Variants in EYA1 observed in about 807,000 individuals in gnomAD.
EYA1 encodes protein phosphatase EYA1.
In EYA1, 16 loss-of-function variants were observed where a neutral mutation model predicts 82.0. That is an observed-to-expected ratio of 0.20 (90% CI 0.13 to 0.30). EYA1 has a LOEUF of 0.30. Ranked by LOEUF, EYA1 falls within the 10% of genes least tolerant of loss-of-function variation. EYA1 has a pLI of 1.00. For missense variants in EYA1, 633 were observed against 730.7 expected (o/e 0.87, Z 1.54); for synonymous variants, 261 against 264.4 (o/e 0.99, Z 0.12).
At chr8:71,467,909 T>C (rs1318454701) in intron 2 of EYA1, among the ~76,000 whole-genome samples, 1 of 152,134 alleles carries the variant, frequency 6.6e-6, no homozygotes. Flanking sequence ...GGTTAGATGA[T>C]TTACTAAGTC....
chr8:71,502,151 G>A (rs6994209), intron 2 of EYA1, among the ~76,000 whole-genome samples: 102,973 of 152,068 alleles, frequency 0.68, 36,945 homozygotes, highest in East Asian at 0.92. Flanking sequence ...GGTGTCTTCA[G>A]ATAATGCAAT....
At chr8:71,489,729 T>G (rs1447576339) in intron 2 of EYA1, among the ~76,000 whole-genome samples, 1 of 152,246 alleles carries the variant, frequency 6.6e-6, no homozygotes, top group Non-Finnish European at 1.5e-5. Context: ...GCTCTAGGCC[T>G]GCAAAAACTT....
chr8:71,476,018 C>T (rs1809633753), intron 2 of EYA1, among the ~76,000 whole-genome samples: 1 of 152,040 alleles, frequency 6.6e-6, no homozygotes, highest in Non-Finnish European at 1.5e-5. Context: ...TTCGTCTTTC[C>T]AACTATTTAC....
At chr8:71,453,795 G>T (rs1418276732) in intron 2 of EYA1, among the ~76,000 whole-genome samples, 1 of 152,110 alleles carries the variant, frequency 6.6e-6, no homozygotes, top group African/African-American at 2.4e-5. Context: ...AGGAACAACA[G>T]GTACGAGCCA....
In EYA1 at chr8:71,361,908, C is replaced by T. The variant is rs1384758617; in HGVS notation, c.-316G>A. On this transcript the variant is annotated 5_prime_UTR_variant, in exon 1 of 18. Coordinates refer to ENST00000340726, the MANE Select transcript of EYA1 (RefSeq NM_000503.6). ...AACGTGTTCCCCAGGAAGAAACCCGCCACAGTGGACGGCAACAGGAAGGCT... is the reference window on the plus strand; with the variant it reads ...AACGTGTTCCCCAGGAAGAAACCCGTCACAGTGGACGGCAACAGGAAGGCT... 1 of 985,346 alleles carries T rather than the reference C, an allele frequency of 1.0e-6. No homozygotes were observed. The highest frequency in any genetic ancestry group is 1.7e-5 in the African/African-American group (1 of 57,242). 61.0% of individuals were successfully genotyped at this position (985,346 alleles called of 1,614,324 possible). A position where few individuals can be genotyped will look rare whatever the true frequency, so the allele number is the denominator to read the frequency against.
chr8:71,313,852 T>TA (rs1405578619), intron 7 of EYA1, among the ~76,000 whole-genome samples: 3 of 152,174 alleles, frequency 2.0e-5, no homozygotes, highest in Non-Finnish European at 4.4e-5. Flanking sequence ...GCAAAACACT[T>TA]AGAGGATGCA....
rs78720199 is a variant in EYA1, at chr8:71,539,031, G to A, written c.-72-3183C>T. Among the ~76,000 whole-genome samples, 793 of 152,186 alleles carry A rather than the reference G, an allele frequency of 5.2e-3. 9 individuals are homozygous for A. Among genetic ancestry groups the A allele is most frequent in the African/African-American group, 0.018 (728 of 41,528 alleles). On this transcript the variant is annotated intron_variant, in intron 1 of 18. Coordinates refer to the EYA1 transcript ENST00000643681. Reference sequence around the variant, plus strand: ...CTCCAGAGGAGGGGTGCCCCTTGGAGTTGTACACAGTGGAATCCTACCCTT... The same window carrying A: ...CTCCAGAGGAGGGGTGCCCCTTGGAATTGTACACAGTGGAATCCTACCCTT...
chr8:71,484,544 T>C (rs1810415637), intron 2 of EYA1, among the ~76,000 whole-genome samples: 1 of 152,208 alleles, frequency 6.6e-6, no homozygotes, highest in African/African-American at 2.4e-5. Flanking sequence ...GGTTGAAACC[T>C]CTTGAGGGTC....
At chr8:71,231,934 T>A (rs1447237103) in intron 12 of EYA1, among the ~76,000 whole-genome samples, 1 of 152,172 alleles carries the variant, frequency 6.6e-6, no homozygotes, top group Admixed American at 6.5e-5. Flanking sequence ...GAAAGCCCCA[T>A]CCAGTTATTA....
intron 2 of EYA1, among the ~76,000 whole-genome samples, chr8:71,506,014 G>C (rs988293461): frequency 6.6e-5 from 10 of 152,116 alleles, no homozygotes; most frequent in Non-Finnish European, 2.9e-5. Context: ...TTGTGCAGAT[G>C]GTACCTGCTT....
At chr8:71,406,779 C>T (rs372799194) in intron 2 of EYA1, among the ~76,000 whole-genome samples, 5 of 148,780 alleles carry the variant, frequency 3.4e-5, no homozygotes, top group Non-Finnish European at 6.0e-5. Context: ...AACTGCAAGG[C>T]GGCAGCGAGG....
At chr8:71,339,757 T>C (rs1480783070) in intron 3 of EYA1, among the ~76,000 whole-genome samples, 1 of 152,238 alleles carries the variant, frequency 6.6e-6, no homozygotes, top group Non-Finnish European at 1.5e-5. Flanking sequence ...CTCTTCTTAA[T>C]CCTAACTTTC....
chr8:71,317,300 T>G (rs765196118), intron 7 of EYA1, among the ~76,000 whole-genome samples: 2 of 152,208 alleles, frequency 1.3e-5, no homozygotes, highest in Non-Finnish European at 2.9e-5. Flanking sequence ...AATGTCAACT[T>G]CACAAAAAAT....
intron 12 of EYA1, among the ~76,000 whole-genome samples, chr8:71,233,381 A>G (rs376782359): frequency 1.0e-3 from 155 of 151,998 alleles, no homozygotes; most frequent in African/African-American, 1.9e-3. Context: ...TGGCTAACAC[A>G]GTGAAACCCC....
At position 71,198,460 on chromosome 8, in the gene EYA1, T is replaced by A. The variant is rs1021985839; in HGVS notation, c.*880A>T. On this transcript the variant is annotated 3_prime_UTR_variant, in exon 18 of 18. Transcript: ENST00000340726. ...ATCTAAAAAAAAAAAATCCATTATCTACATATTTATACCGAAAACTCAGAT... is the reference window on the plus strand; with the variant it reads ...ATCTAAAAAAAAAAAATCCATTATCAACATATTTATACCGAAAACTCAGAT... 6.6e-6 allele frequency: 1 copy of A among 152,588 alleles called. No individual in the cohort carries two copies. The highest frequency in any genetic ancestry group is 2.4e-5 in the African/African-American group (1 of 41,436). The allele number at this position is 152,588 out of a possible 1,614,324, so 9.5% of individuals were successfully genotyped here.
rs138973554 is a variant in EYA1, at chr8:71,406,013, A to C, written c.34-49502T>G. The stretch of plus-strand genomic sequence containing the variant: ...CATTAACAAAATCCAGACTGTGGCA[A>C]ACTTTACAGGAGAAACAACTCAATT... On this transcript the variant is annotated intron_variant, in intron 2 of 18. Coordinates refer to the EYA1 transcript ENST00000643681. Among the ~76,000 whole-genome samples, 505 of 152,316 alleles carry C rather than the reference A, an allele frequency of 3.3e-3. 1 individual carries two copies. Among genetic ancestry groups the C allele is most frequent in the Non-Finnish European group, 5.5e-3 (372 of 68,022 alleles).
intron 2 of EYA1, among the ~76,000 whole-genome samples, chr8:71,489,186 T>C (rs1455288502): frequency 6.6e-6 from 1 of 152,178 alleles, no homozygotes; most frequent in African/African-American, 2.4e-5. Flanking sequence ...CACACATCGA[T>C]TGGTTTGTGA....
chr8:71,205,587 T>C (rs1807661375), intron 17 of EYA1, among the ~76,000 whole-genome samples: 1 of 152,196 alleles, frequency 6.6e-6, no homozygotes, highest in Admixed American at 6.5e-5. Flanking sequence ...CAAAGGTATT[T>C]CTAACTTCTT....
intron 12 of EYA1, among the ~76,000 whole-genome samples, chr8:71,224,834 A>G (rs1212094781): frequency 6.6e-6 from 1 of 152,252 alleles, no homozygotes; most frequent in South Asian, 2.1e-4. Flanking sequence ...GTTTTTCGAA[A>G]TAACTCTCAA....
Sources: allele counts gnomAD v4.1 joint callset (sites outside exome capture counted in the v4.1 genomes callset), GRCh38; gene constraint gnomAD v4.1.1; transcripts MANE v1.5; gene names NCBI Gene and HGNC (gene_info 2026-07-23, HGNC 2026-07-21).